The following CTNNA3 variants were observed in gnomAD, a reference collection of about 807,000 sequenced individuals.
CTNNA3 encodes catenin alpha 3.
CTNNA3 carries 76 observed loss-of-function variants against 95.7 expected under a neutral mutation model. The observed-to-expected ratio is 0.79, with a 90% CI of 0.66 to 0.96. The LOEUF is 0.96. Ranked by LOEUF, CTNNA3 falls within the 40% of genes least tolerant of loss-of-function variation. CTNNA3 has a pLI of 0.00. For missense variants in CTNNA3, 1,191 were observed against 1,089.8 expected (o/e 1.09, Z -1.31); for synonymous variants, 431 against 374.4 (o/e 1.15, Z -1.74).
intron 1 of CTNNA3, among the ~76,000 whole-genome samples, chr10:67,743,254 A>G (rs559048777): frequency 6.6e-6 from 1 of 151,404 alleles, no homozygotes; most frequent in East Asian, 1.9e-4. Flanking sequence ...AATCCTCAAT[A>G]AAATACTGGC....
chr10:66,415,800 G>A (rs750091977), intron 11 of CTNNA3, among the ~76,000 whole-genome samples: 23 of 152,060 alleles, frequency 1.5e-4, no homozygotes, highest in Non-Finnish European at 3.2e-4. Flanking sequence ...ATTGAAACCA[G>A]AGTTCCCCAC....
rs1184891307 is a variant in CTNNA3 at position 67,566,061 on chromosome 10, A to ATATATATATATATATATG, written c.293-26393_293-26392insCATATATATATATATATA. Among the ~76,000 whole-genome samples the ATATATATATATATATATG allele has an allele frequency of 5.0e-4, 47 of 94,240 alleles. 3 individuals carry two copies. Among genetic ancestry groups the ATATATATATATATATATG allele is most frequent in the African/African-American group, 1.8e-3 (46 of 24,946 alleles). The allele number at this position is 94,240 out of a possible 152,430, so 61.8% of individuals were successfully genotyped here. A position where few individuals can be genotyped will look rare whatever the true frequency, so the allele number is the denominator to read the frequency against. ...TGTGTGTGTATATATATATATATAT[A>ATATATATATATATATATG]TATATATATATACAAAACCTAGGCA... On this transcript the variant is annotated intron_variant, in intron 3 of 17. Transcript: ENST00000433211.
chr10:67,683,653 G>A (rs1840670161), intron 1 of CTNNA3, among the ~76,000 whole-genome samples: 1 of 152,162 alleles, frequency 6.6e-6, no homozygotes, highest in Non-Finnish European at 1.5e-5. Context: ...GTCCAGAATT[G>A]GTTCCTTCTG....
chr10:67,511,314 A>G (rs1839619095), intron 5 of CTNNA3, among the ~76,000 whole-genome samples: 1 of 152,234 alleles, frequency 6.6e-6, no homozygotes, highest in South Asian at 2.1e-4. Flanking sequence ...CCCAGTCAGT[A>G]TGATATTGGC....
In CTNNA3 at chr10:67,104,125, C is replaced by A. The variant is rs187545587; in HGVS notation, c.1047+76192G>T. ...TATCAATAATATAACCTTCAACTGG[C>A]TGAAAAAAAGAGGTCAGGTTGCCAA... On this transcript the variant is annotated intron_variant, in intron 7 of 17. Coordinates refer to ENST00000433211, the MANE Select transcript of CTNNA3 (RefSeq NM_013266.4). Among the ~76,000 whole-genome samples the A allele has an allele frequency of 1.2e-3, 177 of 151,532 alleles. 1 individual carries two copies. The highest frequency in any genetic ancestry group is 4.1e-3 in the African/African-American group (170 of 41,372).
At chr10:67,682,392 G>A (rs978907353) in intron 1 of CTNNA3, among the ~76,000 whole-genome samples, 1 of 150,544 alleles carries the variant, frequency 6.6e-6, no homozygotes, top group African/African-American at 2.4e-5. Context: ...TATGTAAAAA[G>A]AAGGGCAATG....
intron 11 of CTNNA3, among the ~76,000 whole-genome samples, chr10:66,483,124 G>T (rs900424817): frequency 3.9e-5 from 6 of 152,148 alleles, no homozygotes; most frequent in African/African-American, 1.4e-4. Flanking sequence ...CAGACTTGAT[G>T]GTTATTCTAA....
chr10:66,289,833 T>C (rs1420707273), intron 12 of CTNNA3, among the ~76,000 whole-genome samples: 1 of 152,076 alleles, frequency 6.6e-6, no homozygotes, highest in East Asian at 1.9e-4. Flanking sequence ...TTTCTGAATC[T>C]ATGTAAACTA....
At chr10:66,282,473 GA>G (rs1468451450) in intron 12 of CTNNA3, among the ~76,000 whole-genome samples, 2 of 151,636 alleles carry the variant, frequency 1.3e-5, no homozygotes, top group East Asian at 3.9e-4. Context: ...AGTCATTCAT[GA>G]AAAAAACCCA....
chr10:66,168,138 G>A (rs2131823825), intron 13 of CTNNA3, among the ~76,000 whole-genome samples: 1 of 152,202 alleles, frequency 6.6e-6, no homozygotes, highest in African/African-American at 2.4e-5. Context: ...TATTTTTGAT[G>A]AACAATATAT....
At chr10:66,336,762 A>G (rs1183926062) in intron 12 of CTNNA3, among the ~76,000 whole-genome samples, 2 of 152,128 alleles carry the variant, frequency 1.3e-5, no homozygotes, top group East Asian at 3.8e-4. Flanking sequence ...ACAGGGCCTA[A>G]TTAATTGGGT....
At chr10:67,516,631 T>C (rs919396702) in intron 5 of CTNNA3, among the ~76,000 whole-genome samples, 3 of 152,218 alleles carry the variant, frequency 2.0e-5, no homozygotes, top group Non-Finnish European at 4.4e-5. Context: ...GAGAGATATA[T>C]ACACATTTTG....
intron 1 of CTNNA3, among the ~76,000 whole-genome samples, chr10:67,752,800 C>T (rs1316085288): frequency 1.3e-5 from 2 of 152,078 alleles, no homozygotes; most frequent in African/African-American, 4.8e-5. Context: ...AACTACAAAC[C>T]ACTGCTCAAC....
At chr10:67,625,287 A>G (rs1347258318) in intron 2 of CTNNA3, among the ~76,000 whole-genome samples, 2 of 152,236 alleles carry the variant, frequency 1.3e-5, no homozygotes, top group African/African-American at 4.8e-5. Flanking sequence ...AGTGTCACAG[A>G]TTAACAGATC....
At chr10:66,860,490 T>A (rs923690144) in intron 7 of CTNNA3, among the ~76,000 whole-genome samples, 2 of 152,116 alleles carry the variant, frequency 1.3e-5, no homozygotes, top group Non-Finnish European at 2.9e-5. Flanking sequence ...GATGGCAAAT[T>A]CTACAGTCGG....
intron 7 of CTNNA3, among the ~76,000 whole-genome samples, chr10:66,890,666 C>G (rs1845233480): frequency 6.6e-6 from 1 of 152,036 alleles, no homozygotes; most frequent in African/African-American, 2.4e-5. Context: ...ACCGACAAAA[C>G]ATCAAAAAGG....
At chr10:67,044,865 A>G (rs1017897325) in intron 7 of CTNNA3, among the ~76,000 whole-genome samples, 23 of 152,194 alleles carry the variant, frequency 1.5e-4, no homozygotes, top group African/African-American at 4.8e-4. Context: ...TTCTAGCTTT[A>G]TGACCTCAGA....
intron 7 of CTNNA3, among the ~76,000 whole-genome samples, chr10:67,063,824 G>T (rs1589683857): frequency 6.6e-6 from 1 of 152,268 alleles, no homozygotes; most frequent in East Asian, 1.9e-4. Flanking sequence ...ATCCCACAAA[G>T]ACTTTAAAAA....
intron 10 of CTNNA3, among the ~76,000 whole-genome samples, chr10:66,569,929 T>C (rs1842818365): frequency 6.6e-6 from 1 of 152,174 alleles, no homozygotes. Context: ...TGTTAAATGT[T>C]TTCTTTCTTT....
Sources: gnomAD v4.1 joint callset for allele counts (sites outside exome capture counted in the v4.1 genomes callset) on GRCh38, gnomAD v4.1.1 for gene constraint, MANE v1.5 for transcripts, NCBI Gene and HGNC (gene_info 2026-07-23, HGNC 2026-07-21) for gene names.